The following NEBL variants were observed in gnomAD, a reference collection of about 807,000 sequenced individuals.
NEBL encodes nebulette.
A neutral mutation model predicts 140.2 loss-of-function variants in NEBL; 122 were observed. The observed-to-expected ratio is 0.87, with a 90% CI of 0.75 to 1.01. The LOEUF (loss-of-function observed/expected upper bound fraction) is 1.01. NEBL is among the 50% of genes least tolerant of loss of function. The pLI is 0.00. For missense variants in NEBL, 1,365 were observed against 1,231.3 expected (o/e 1.11, Z -1.62); for synonymous variants, 436 against 398.9 (o/e 1.09, Z -1.11).
intron 13 of NEBL, among the ~76,000 whole-genome samples, chr10:20,838,267 T>C (rs924767371): frequency 6.6e-6 from 1 of 152,174 alleles, no homozygotes; most frequent in Non-Finnish European, 1.5e-5. Context: ...TCAACATTAA[T>C]AGAAGTTTGG....
intron 4 of NEBL, among the ~76,000 whole-genome samples, chr10:20,910,777 T>C (rs750584399): frequency 4.6e-5 from 7 of 152,112 alleles, no homozygotes; most frequent in Non-Finnish European, 1.0e-4. Flanking sequence ...CCTCATCTAT[T>C]AACAAATTCT....
At chr10:21,222,717 A>G (rs924874859) in intron 3 of NEBL, among the ~76,000 whole-genome samples, 1 of 152,170 alleles carries the variant, frequency 6.6e-6, no homozygotes, top group Admixed American at 6.6e-5. Context: ...CACCTCAAGC[A>G]TTTATCCTTT....
upstream of NEBL, among the ~76,000 whole-genome samples, chr10:21,176,857 A>G (rs2132199889): frequency 6.6e-6 from 1 of 152,264 alleles, no homozygotes; most frequent in Admixed American, 6.5e-5. Context: ...AAATCCCCAA[A>G]TCTCCTTACT....
chr10:20,804,586 T>C (rs191646365), intron 26 of NEBL: 24 of 152,168 alleles, frequency 1.6e-4, no homozygotes, highest in Admixed American at 1.3e-3. Context: ...CACTGAAACA[T>C]AAAGAAAAAT....
intron 2 of NEBL, among the ~76,000 whole-genome samples, chr10:21,062,541 G>A (rs547987396): frequency 4.7e-4 from 71 of 152,048 alleles, no homozygotes; most frequent in African/African-American, 1.7e-3. Flanking sequence ...AATAAAATTA[G>A]CTGGGCATAG....
At chr10:20,896,807 C>A in intron 2 of NEBL, 151 bp downstream of exon 2, 1 of 772,550 alleles carries the variant, frequency 1.3e-6, no homozygotes, top group South Asian at 1.4e-5. Flanking sequence ...GGGGAAATCA[C>A]TGAAAATTTC....
At chr10:20,926,591 T>A (rs1833924682) in intron 4 of NEBL, among the ~76,000 whole-genome samples, 2 of 152,194 alleles carry the variant, frequency 1.3e-5, no homozygotes, top group South Asian at 4.1e-4. Flanking sequence ...GGCATATTAC[T>A]ATAGGACTTA....
At chr10:21,075,397 G>C (rs1836018531) in intron 2 of NEBL, among the ~76,000 whole-genome samples, 1 of 152,150 alleles carries the variant, frequency 6.6e-6, no homozygotes, top group East Asian at 1.9e-4. Flanking sequence ...TTCCTCTTCA[G>C]TATCCTGAAA....
intron 3 of NEBL, among the ~76,000 whole-genome samples, chr10:21,211,135 A>T (rs1026740338): frequency 1.3e-5 from 2 of 152,208 alleles, no homozygotes; most frequent in Non-Finnish European, 2.9e-5. Context: ...GATCATCCTT[A>T]TCAATGCTAT....
chr10:21,188,767 T>A (rs999365208), intron 3 of NEBL, among the ~76,000 whole-genome samples: 2 of 151,942 alleles, frequency 1.3e-5, no homozygotes, highest in African/African-American at 4.8e-5. Context: ...TTTTTGTTTT[T>A]TTAGTAGAGA....
rs966871347 is a variant in NEBL at position 20,869,989 on chromosome 10, A to G, written c.481-148T>C. The G allele has an allele frequency of 7.5e-6, 5 of 668,598 alleles. No individual in the cohort carries two copies. The Admixed American group carries it at 8.9e-5, about 12-fold the overall frequency. 41.4% of individuals were successfully genotyped at this position (668,598 alleles called of 1,614,324 possible). A position where few individuals can be genotyped will look rare whatever the true frequency, so the allele number is the denominator to read the frequency against. On this transcript the variant is annotated intron_variant, in intron 5 of 27. Transcript: ENST00000377122. ...GTTGGCTTTTTGTGCATCTATTTGT[A>G]TAGCTATATTAACTCTTTATACTAT...
At chr10:21,253,146 A>G (rs1254856055) in intron 1 of NEBL, among the ~76,000 whole-genome samples, 1 of 152,032 alleles carries the variant, frequency 6.6e-6, no homozygotes, top group African/African-American at 2.4e-5. Flanking sequence ...CCTGTAATCC[A>G]AGCTACTCAG....
intron 3 of NEBL, among the ~76,000 whole-genome samples, chr10:20,972,593 AAAAATTAGCTGGGC>A (rs1836624349): frequency 6.6e-6 from 1 of 151,974 alleles, no homozygotes; most frequent in Non-Finnish European, 1.5e-5. Flanking sequence ...AAATACAAAA[AAAAATTAGCTGGGC>A]ATGGCAGTGC....
chr10:21,072,583 GAC>G (rs1221724430), intron 2 of NEBL, among the ~76,000 whole-genome samples: 1 of 152,234 alleles, frequency 6.6e-6, no homozygotes. Context: ...AAAAACAAAG[GAC>G]AGAGTGCGGA....
chr10:21,177,980 G>A (rs1841330291), upstream of NEBL, among the ~76,000 whole-genome samples: 1 of 152,256 alleles, frequency 6.6e-6, no homozygotes, highest in Admixed American at 6.5e-5. Flanking sequence ...TGTGTATGTT[G>A]TTCCTAGCTG....
chr10:21,097,224 GGGGGGT>G (rs1422761895), intron 2 of NEBL, among the ~76,000 whole-genome samples: 1 of 149,114 alleles, frequency 6.7e-6, no homozygotes, highest in African/African-American at 2.5e-5. Flanking sequence ...AGGTCCGGGG[GGGGGGT>G]GGGGCAGATC....
chr10:21,039,937 G>T (rs549635669), intron 2 of NEBL, among the ~76,000 whole-genome samples: 1 of 152,204 alleles, frequency 6.6e-6, no homozygotes. Flanking sequence ...GCAGTAGACC[G>T]TGACATGTGG....
In NEBL at chr10:21,249,893, G is replaced by A. The variant is rs562893318; in HGVS notation, n.279+1839C>T. 6.6e-5 allele frequency among the ~76,000 whole-genome samples: 10 copies of A among 151,950 alleles called. No individual in the cohort carries two copies. The South Asian group carries it at 1.2e-3, about 19-fold the overall frequency. ...AGCCTGACCAACATGGCAAAATCCCGTCTCTAATAAAAATATAAAAATTGA... is the reference window on the plus strand; with the variant it reads ...AGCCTGACCAACATGGCAAAATCCCATCTCTAATAAAAATATAAAAATTGA... On this transcript the variant is annotated intron_variant and non_coding_transcript_variant, in intron 2 of 8. Coordinates refer to the NEBL transcript ENST00000675702.
chr10:21,031,463 G>T (rs1018195905), intron 2 of NEBL, among the ~76,000 whole-genome samples: 1 of 152,206 alleles, frequency 6.6e-6, no homozygotes, highest in African/African-American at 2.4e-5. Context: ...TATTCCTGCC[G>T]CGATGGGAGG....
Sources: allele counts gnomAD v4.1 joint callset (sites outside exome capture counted in the v4.1 genomes callset), GRCh38; gene constraint gnomAD v4.1.1; transcripts MANE v1.5; gene names NCBI Gene and HGNC (gene_info 2026-07-23, HGNC 2026-07-21).